Variants in TIMMDC1 observed in about 807,000 individuals in gnomAD.
TIMMDC1 encodes the protein translocase of inner mitochondrial membrane domain containing 1.
TIMMDC1 carries 25 observed loss-of-function variants against 32.6 expected under a neutral mutation model. The ratio of observed to expected loss-of-function variants is 0.77; its 90% CI spans 0.56 to 1.07. TIMMDC1 has a LOEUF of 1.07. Among genes scored for constraint, TIMMDC1 ranks in the 50% least tolerant of loss-of-function variants. TIMMDC1 has a pLI of 0.00. For synonymous variants in TIMMDC1, 130 were observed against 127.6 expected, an observed-to-expected ratio of 1.02 and a Z score of -0.13; for missense variants, 329 against 349.2, an observed-to-expected ratio of 0.94 and a Z score of 0.46.
intron 6 of TIMMDC1, among the ~76,000 whole-genome samples, chr3:119,518,451 C>T (rs1439074147): frequency 6.6e-6 from 1 of 151,688 alleles, no homozygotes; most frequent in African/African-American, 2.4e-5. Context: ...GGTCCATCAT[C>T]CAAGGACTTA....
intron 5 of TIMMDC1, 86 bp from the exon 6 acceptor site, chr3:119,517,119 G>A: frequency 1.3e-6 from 1 of 759,302 alleles, no homozygotes; most frequent in South Asian, 1.6e-5. Context: ...TGGCTCTGGT[G>A]TTGCTCACAC....
Position 119,513,640 on chromosome 3 carries a change from G to C in TIMMDC1, c.518-1G>C, listed in dbSNP as rs2081967831. 1 of 1,610,450 alleles carries C rather than the reference G, an allele frequency of 6.2e-7. No homozygotes were observed. The highest frequency in any genetic ancestry group is 1.7e-5 in the Admixed American group (1 of 59,908). On this transcript the variant is annotated splice_acceptor_variant, in intron 4 of 6. Transcript: ENST00000494664. LOFTEE classifies it high-confidence loss of function. ...ATATTGCCTTTCTTGTTTTTAAATA[G>C]CTGTCACGGGAAGTCTTTTTAGGAT...
At chr3:119,520,281 C>G (rs549560167) in intron 6 of TIMMDC1, among the ~76,000 whole-genome samples, 101 of 151,938 alleles carry the variant, frequency 6.6e-4, no homozygotes, top group South Asian at 2.3e-3. Context: ...GAAATAGAGA[C>G]TTAAAAACAA....
chr3:119,513,642 T>C lies in TIMMDC1; in HGVS notation c.519T>C (p.Ala173=), dbSNP rs143908435. 2.4e-5 allele frequency: 39 copies of C among 1,611,288 alleles called. No homozygotes were observed. The African/African-American group carries it at 4.8e-4, about 20-fold the overall frequency. The change falls in exon 5 of 7, where the codon GCT becomes GCC. Residue 173 remains alanine (A), a splice_region_variant and synonymous_variant. Coordinates refer to ENST00000494664, the MANE Select transcript of TIMMDC1 (RefSeq NM_016589.4). ...ATTGCCTTTCTTGTTTTTAAATAGCTGTCACGGGAAGTCTTTTTAGGATAA... is the reference window on the plus strand; with the variant it reads ...ATTGCCTTTCTTGTTTTTAAATAGCCGTCACGGGAAGTCTTTTTAGGATAA... ...DALSHFVIAG[A]VTGSLFRINV...
intron 4 of TIMMDC1, 128 bp from the exon 5 acceptor site, chr3:119,513,513 C>T (rs1278870008): frequency 1.4e-6 from 1 of 693,446 alleles, no homozygotes; most frequent in East Asian, 2.8e-5. Flanking sequence ...GAAGTATAGG[C>T]TGTAGTAGTA....
chr3:119,503,803 T>C (rs1184616415), intron 3 of TIMMDC1, 151 bp from the exon 4 acceptor site: 4 of 782,114 alleles, frequency 5.1e-6, no homozygotes, highest in African/African-American at 3.5e-5. Context: ...TTTACAACCA[T>C]GTCTGGAACA....
Position 119,519,667 on chromosome 3 carries a change from G to A in TIMMDC1, c.707+2352G>A, listed in dbSNP as rs1163162347. Among the ~76,000 whole-genome samples the A allele has an allele frequency of 2.0e-5, 3 of 151,546 alleles. No individual in the cohort carries two copies. In the South Asian group the frequency reaches 6.3e-4, roughly 32 times the overall value. ...ATAAACCCTAATGTAATAATAGCTG[G>A]GGACTTCAACACCACACTCCCAGCA... On this transcript the variant is annotated intron_variant, in intron 6 of 6. Transcript: ENST00000494664.
chr3:119,500,732 T>C lies in TIMMDC1; in HGVS notation c.232T>C (p.Cys78Arg), dbSNP rs149492706. ...AATTTCAAAGGACCTTGCTAATATCTGTAAGACGGCAGCTACAGCAGGCAT... is the reference window on the plus strand; with the variant it reads ...AATTTCAAAGGACCTTGCTAATATCCGTAAGACGGCAGCTACAGCAGGCAT... ...QRISKDLANI[C>R]KTAATAGIIG... The change falls in exon 2 of 7, where the codon TGT becomes CGT. Residue 78 changes from cysteine to arginine, a missense_variant. Cys to Arg is a radical substitution (Grantham distance 180, BLOSUM62 -3). Coordinates refer to ENST00000494664, the MANE Select transcript of TIMMDC1 (RefSeq NM_016589.4). The C allele has an allele frequency of 0.011, 17,203 of 1,614,060 alleles. 150 individuals carry two copies. The highest frequency in any genetic ancestry group is 0.028 in the South Asian group (2,582 of 91,042).
chr3:119,516,573 T>G (rs1194315050), intron 5 of TIMMDC1, among the ~76,000 whole-genome samples: 1 of 152,200 alleles, frequency 6.6e-6, no homozygotes, highest in Non-Finnish European at 1.5e-5. Flanking sequence ...CTGGAGGAAA[T>G]TTAAGGTGTA....
chr3:119,504,018 G>A lies in TIMMDC1; in HGVS notation c.514G>A (p.Gly172Arg), dbSNP rs1435237933. 2 of 1,609,772 alleles carry A rather than the reference G, an allele frequency of 1.2e-6. No homozygotes were observed. The highest frequency in any genetic ancestry group is 1.7e-6 in the Non-Finnish European group (2 of 1,176,182). The change falls in exon 4 of 7, where the codon GGA (glycine) becomes AGA (arginine). Residue 172 changes from glycine (G) to arginine (R), a missense_variant. Coordinates refer to ENST00000494664, the MANE Select transcript of TIMMDC1 (RefSeq NM_016589.4). Reference sequence around the variant, plus strand: ...TGCCTTAAGCCATTTTGTAATTGCAGGAGGTAAGACATTTTTGTTTATATT... The same window carrying A: ...TGCCTTAAGCCATTTTGTAATTGCAAGAGGTAAGACATTTTTGTTTATATT... ...KDALSHFVIA[G>R]AVTGSLFRIN...
intron 4 of TIMMDC1, among the ~76,000 whole-genome samples, chr3:119,509,368 A>G (rs2081938617): frequency 1.3e-5 from 2 of 152,228 alleles, no homozygotes; most frequent in South Asian, 4.1e-4. Context: ...TTCATCAACT[A>G]GTGAATGGAT....
At chr3:119,502,306 T>G (rs2081883214) in intron 2 of TIMMDC1, among the ~76,000 whole-genome samples, 1 of 151,966 alleles carries the variant, frequency 6.6e-6, no homozygotes, top group African/African-American at 2.4e-5. Context: ...CTTGGCTTGC[T>G]GCAACCTCCA....
chr3:119,513,965 T>A (rs2081970414), intron 5 of TIMMDC1, among the ~76,000 whole-genome samples: 1 of 152,192 alleles, frequency 6.6e-6, no homozygotes, highest in African/African-American at 2.4e-5. Context: ...ATTGACTCAA[T>A]ACAACTATCT....
In TIMMDC1 at chr3:119,513,678, G is replaced by A. The variant is rs1432500390; in HGVS notation, c.555G>A (p.Leu185=). The A allele has an allele frequency of 6.2e-7, 1 of 1,610,570 alleles. No individual in the cohort carries two copies. The highest frequency in any genetic ancestry group is 1.1e-5 in the South Asian group (1 of 90,546). ...TGSLFRINVG[L]RGLVAGGIIG... ...GTCTTTTTAGGATAAACGTAGGCCT[G>A]CGTGGCCTGGTGGCTGGTGGCATAA... Residue 185 remains leucine, a synonymous_variant, in exon 5 of 7, where the codon CTG becomes CTA. Coordinates refer to ENST00000494664, the MANE Select transcript of TIMMDC1 (RefSeq NM_016589.4).
intron 6 of TIMMDC1, among the ~76,000 whole-genome samples, chr3:119,519,579 C>T (rs183739007): frequency 6.6e-6 from 1 of 152,012 alleles, no homozygotes; most frequent in East Asian, 1.9e-4. Flanking sequence ...ATATATGCAC[C>T]CAACACCAGA....
chr3:119,501,185 A>C (rs1041220560), intron 2 of TIMMDC1, among the ~76,000 whole-genome samples: 1 of 152,238 alleles, frequency 6.6e-6, no homozygotes, highest in African/African-American at 2.4e-5. Context: ...CTCCATGAGT[A>C]TAGGAGCTCA....
chr3:119,507,631 A>G (rs1334631372), intron 4 of TIMMDC1, among the ~76,000 whole-genome samples: 1 of 152,106 alleles, frequency 6.6e-6, no homozygotes, highest in Middle Eastern at 3.2e-3. Context: ...CAGTATCCCC[A>G]CCATATCTGA....
Position 119,500,697 on chromosome 3 carries a change from A to C in TIMMDC1, c.197A>C (p.Glu66Ala). The C allele has an allele frequency of 6.2e-7, 1 of 1,612,808 alleles. No homozygotes were observed. The highest frequency in any genetic ancestry group is 1.3e-5 in the African/African-American group (1 of 74,996). ...ACATTGTCTTTTTGATGTTGTAGTG[A>C]ACAGCAGAGAATTTCAAAGGACCTT... ...DRLRELFGKDEQQRISKDLAN... is the reference protein window; with the variant it reads ...DRLRELFGKDAQQRISKDLAN... Residue 66 changes from glutamate to alanine, a missense_variant and splice_region_variant, in exon 2 of 7, where the codon GAA becomes GCA. By Grantham distance (107) the Glu-to-Ala change is moderately radical. Coordinates refer to ENST00000494664, the MANE Select transcript of TIMMDC1 (RefSeq NM_016589.4).
intron 2 of TIMMDC1, 54 bp from the exon 3 acceptor site, chr3:119,503,478 A>G (rs2081893891): frequency 4.2e-6 from 6 of 1,423,058 alleles, no homozygotes; most frequent in South Asian, 1.4e-5. Context: ...CAGTTCTAGA[A>G]TAAGGAAAAT....
Sources: gnomAD v4.1 joint callset for allele counts (sites outside exome capture counted in the v4.1 genomes callset) on GRCh38, gnomAD v4.1.1 for gene constraint, MANE v1.5 for transcripts, NCBI Gene and HGNC (gene_info 2026-07-23, HGNC 2026-07-21) for gene names.